GLB1L2: variants seen among roughly 807,000 people sequenced by gnomAD.
GLB1L2 encodes the protein galactosidase beta 1 like 2.
Under a neutral mutation model 84.1 loss-of-function variants are expected in GLB1L2, and 68 were observed. The ratio of observed to expected loss-of-function variants is 0.81; its 90% CI spans 0.67 to 0.99. The LOEUF (loss-of-function observed/expected upper bound fraction) is 0.99, where lower values mean the gene tolerates loss of function less well. Ranked by LOEUF, GLB1L2 falls within the 50% of genes least tolerant of loss-of-function variation. The pLI is 0.00. For missense variants in GLB1L2, 762 were observed against 805.6 expected, an observed-to-expected ratio of 0.95 and a Z score of 0.66; for synonymous variants, 290 against 318.0, an observed-to-expected ratio of 0.91 and a Z score of 0.94.
intron 2 of GLB1L2, among the ~76,000 whole-genome samples, chr11:134,343,201 T>C (rs1445290970): frequency 6.6e-6 from 1 of 152,044 alleles, no homozygotes; most frequent in African/African-American, 2.4e-5. Flanking sequence ...TGAGTGCAGA[T>C]TGAGGAGGTG....
Position 134,350,918 on chromosome 11 carries a change from GT to G in GLB1L2, c.558+3493del, listed in dbSNP as rs996118523. Among the ~76,000 whole-genome samples the G allele has an allele frequency of 2.4e-3, 367 of 152,260 alleles. 3 individuals carry two copies. Among genetic ancestry groups the G allele is most frequent in the African/African-American group, 7.6e-3 (317 of 41,542 alleles). On this transcript the variant is annotated intron_variant, in intron 5 of 18. Transcript: ENST00000535456. ...AGCTTACTGAATTATTAGCTAGATAGTTTTTTTTAGGGGTGTGGGGATGTGC... is the reference window on the plus strand; with the variant it reads ...AGCTTACTGAATTATTAGCTAGATAGTTTTTTTAGGGGTGTGGGGATGTGC...
intron 5 of GLB1L2, among the ~76,000 whole-genome samples, chr11:134,355,246 G>A (rs1173786416): frequency 1.3e-5 from 2 of 152,064 alleles, no homozygotes; most frequent in African/African-American, 4.8e-5. Context: ...TCATTTGCCT[G>A]GTTTCCTTTA....
chr11:134,349,649 G>C (rs574430073), intron 5 of GLB1L2, among the ~76,000 whole-genome samples: 4 of 152,126 alleles, frequency 2.6e-5, no homozygotes, highest in Non-Finnish European at 2.9e-5. Flanking sequence ...GGTGTGAAGT[G>C]GTATCTCATG....
In GLB1L2 at chr11:134,370,544, G is replaced by C. The variant is rs1943938294; in HGVS notation, c.1215+145G>C. 4 of 657,374 alleles carry C rather than the reference G, an allele frequency of 6.1e-6. No individual in the cohort carries two copies. The highest frequency in any genetic ancestry group is 4.9e-5 in the Admixed American group (2 of 40,772). 40.7% of individuals were successfully genotyped at this position (657,374 alleles called of 1,614,324 possible). On this transcript the variant is annotated intron_variant, in intron 12 of 18. Coordinates refer to ENST00000535456, the MANE Select transcript of GLB1L2 (RefSeq NM_001370461.1). This position sits in a 1 kb window ranked among gnomAD's most constrained non-coding sequence, Gnocchi z 4.7. ...GGAGCCCCTCCAGACAGGGAGTGTG[G>C]GGGGAGGCAGGCCAGTGCCTGGTGG...
chr11:134,344,504 G>C (rs1377230285), intron 3 of GLB1L2, 49 bp downstream of exon 3: 3 of 1,575,380 alleles, frequency 1.9e-6, no homozygotes, highest in Admixed American at 3.6e-5. Context: ...AGGGCACAGA[G>C]GTGGCTACTG....
rs767249800 is a variant in GLB1L2 at position 134,368,641 on chromosome 11, C to T, written c.890-3C>T. ...CACATCCCCTTTCTCCCTCCTCCGG[C>T]AGAGGTTTTGAAAACCGTGTCTGCC... is the stretch of plus-strand genomic sequence containing the variant. On this transcript the variant is annotated splice_polypyrimidine_tract_variant and splice_region_variant and intron_variant, in intron 9 of 18. Coordinates refer to ENST00000535456, the MANE Select transcript of GLB1L2 (RefSeq NM_001370461.1). 5.6e-6 allele frequency: 9 copies of T among 1,613,758 alleles called. No individual in the cohort carries two copies. The highest frequency in any genetic ancestry group is 2.2e-5 in the South Asian group (2 of 91,090).
chr11:134,349,452 T>G (rs576733326), intron 5 of GLB1L2, among the ~76,000 whole-genome samples: 34 of 152,354 alleles, frequency 2.2e-4, no homozygotes, highest in African/African-American at 7.7e-4. Flanking sequence ...TTTGGGTATA[T>G]ACCTAGAAGT....
intron 5 of GLB1L2, among the ~76,000 whole-genome samples, chr11:134,353,137 G>A (rs994162158): frequency 8.5e-5 from 13 of 152,098 alleles, no homozygotes; most frequent in Admixed American, 5.9e-4. Context: ...GGCTGGGTGT[G>A]GTGGCTCATG....
intron 17 of GLB1L2, 86 bp downstream of exon 17, chr11:134,374,342 AG>A: frequency 8.8e-7 from 1 of 1,136,336 alleles, no homozygotes; most frequent in Non-Finnish European, 1.3e-6. Flanking sequence ...GCTTGGCGAG[AG>A]TCGTTGGTGG....
At chr11:134,365,533 A>G (rs543215747) in intron 8 of GLB1L2, among the ~76,000 whole-genome samples, 2 of 152,302 alleles carry the variant, frequency 1.3e-5, no homozygotes, top group East Asian at 3.9e-4. Context: ...ATGAGAGTAC[A>G]TTTCCTTATG....
intron 9 of GLB1L2, among the ~76,000 whole-genome samples, chr11:134,367,601 A>G (rs1943882657): frequency 1.3e-5 from 2 of 152,220 alleles, no homozygotes; most frequent in Admixed American, 6.5e-5. Context: ...AAATACAGAA[A>G]AAGTATAGAG....
At chr11:134,373,401 C>T (rs1192843330) in intron 15 of GLB1L2, among the ~76,000 whole-genome samples, 1 of 152,218 alleles carries the variant, frequency 6.6e-6, no homozygotes, top group African/African-American at 2.4e-5. Context: ...GGCCAGAACC[C>T]TCTCGGTCAT....
At chr11:134,368,139 ATT>A (rs1027568080) in intron 9 of GLB1L2, among the ~76,000 whole-genome samples, 1 of 152,224 alleles carries the variant, frequency 6.6e-6, no homozygotes, top group African/African-American at 2.4e-5. Flanking sequence ...TCAGTACATC[ATT>A]GTTTAGTCTG....
Position 134,374,724 on chromosome 11 carries a change from A to T in GLB1L2, c.1824+6A>T. On this transcript the variant is annotated splice_donor_region_variant and intron_variant, in intron 18 of 18. Coordinates refer to ENST00000535456, the MANE Select transcript of GLB1L2 (RefSeq NM_001370461.1). ...TGAGCAGCGGAATCAACCAGGTGGG[A>T]GCTTCCAGCCCCTTCCTGTTCCCCA... The T allele has an allele frequency of 6.2e-7, 1 of 1,602,398 alleles. No homozygotes were observed. Among genetic ancestry groups the T allele is most frequent in the Non-Finnish European group, 8.6e-7 (1 of 1,169,478 alleles).
At chr11:134,345,671 A>C (rs1392341105) in intron 4 of GLB1L2, among the ~76,000 whole-genome samples, 1 of 152,092 alleles carries the variant, frequency 6.6e-6, no homozygotes, top group Admixed American at 6.5e-5. Flanking sequence ...GGGTTTCACC[A>C]TGTTGGCTAG....
rs1181670425 is a variant in GLB1L2 at position 134,369,851 on chromosome 11, C to T, written c.1074C>T (p.Tyr358=). 1.9e-6 allele frequency: 3 copies of T among 1,613,828 alleles called. No homozygotes were observed. In the South Asian group the frequency reaches 3.3e-5, roughly 18 times the overall value. The change falls in exon 11 of 19, where the codon TAC becomes TAT. Residue 358 remains tyrosine (Y), a synonymous_variant. Transcript: ENST00000535456. ...AAGCCGGCGATTACACGGCCAAGTA[C>T]ATGAAGCTTCGAGACTTCTTCGGCT... ...LTEAGDYTAK[Y]MKLRDFFGSI...
chr11:134,357,602 GAGA>G lies in GLB1L2; in HGVS notation c.651+1212_651+1214del, dbSNP rs1240603362. Among the ~76,000 whole-genome samples, 5 of 152,396 alleles carry G rather than the reference GAGA, an allele frequency of 3.3e-5. No homozygotes were observed. The East Asian group carries it at 7.7e-4, about 23-fold the overall frequency. On this transcript the variant is annotated intron_variant, in intron 6 of 18. Coordinates refer to ENST00000535456, the MANE Select transcript of GLB1L2 (RefSeq NM_001370461.1). ...TTGTTGACTCAGTTACTCAGCTGCAGAGAAGGAGAGCCCCACGAGAGGAGAGTG... is the reference window on the plus strand; with the variant it reads ...TTGTTGACTCAGTTACTCAGCTGCAGAGGAGAGCCCCACGAGAGGAGAGTG...
At position 134,334,416 on chromosome 11, in the gene GLB1L2, T is replaced by C. The variant is rs1400369095; in HGVS notation, c.86+2269T>C. Among the ~76,000 whole-genome samples, 1 of 152,174 alleles carries C rather than the reference T, an allele frequency of 6.6e-6. No individual in the cohort carries two copies. Among genetic ancestry groups the C allele is most frequent in the Non-Finnish European group, 1.5e-5 (1 of 68,036 alleles). On this transcript the variant is annotated intron_variant, in intron 1 of 18. Coordinates refer to ENST00000535456, the MANE Select transcript of GLB1L2 (RefSeq NM_001370461.1). The surrounding 1 kb of genome is among the most constrained non-coding windows in gnomAD (Gnocchi z 4.1). Reference sequence around the variant, plus strand: ...GTTACATCATATCAAAAGACTAGGATGACCAGGTTGACTTTTGGGGAGGAT... The same window carrying C: ...GTTACATCATATCAAAAGACTAGGACGACCAGGTTGACTTTTGGGGAGGAT...
intron 1 of GLB1L2, among the ~76,000 whole-genome samples, chr11:134,333,953 C>T (rs1006339853): frequency 6.6e-5 from 10 of 152,310 alleles, no homozygotes; most frequent in South Asian, 2.1e-4. Context: ...CTGTGGAATA[C>T]GTGTCTTTTT....
Sources: allele counts gnomAD v4.1 joint callset (sites outside exome capture counted in the v4.1 genomes callset), GRCh38; gene constraint gnomAD v4.1.1; non-coding constraint Gnocchi (gnomAD v3.1); transcripts MANE v1.5; gene names NCBI Gene and HGNC (gene_info 2026-07-23, HGNC 2026-07-21).